The following FBXO36 variants were observed in gnomAD, a reference collection of about 807,000 sequenced individuals.
FBXO36 encodes F-box protein 36.
In FBXO36, 18 loss-of-function variants were observed where a neutral mutation model predicts 17.0. The ratio of observed to expected loss-of-function variants is 1.06; its 90% CI spans 0.73 to 1.57. FBXO36 has a LOEUF of 1.57. Among genes scored for constraint, FBXO36 ranks in the 40% most tolerant of loss-of-function variants. The pLI, the probability that FBXO36 is intolerant of heterozygous loss-of-function variation, is 0.00. For synonymous variants in FBXO36, 83 were observed against 85.3 expected (o/e 0.97, Z 0.15); for missense variants, 229 against 221.9 (o/e 1.03, Z -0.20).
In FBXO36 at chr2:229,999,562, G is replaced by C. The variant is rs564080445; in HGVS notation, c.378+2639G>C. ...ACACACATATTTAATTTTTAAAAGA[G>C]AGGTGGGATTTCATTGTGTTGCCCA... On this transcript the variant is annotated intron_variant, in intron 3 of 3. Coordinates refer to ENST00000283946, the MANE Select transcript of FBXO36 (RefSeq NM_174899.5). Among the ~76,000 whole-genome samples the C allele has an allele frequency of 1.7e-4, 25 of 148,884 alleles. No homozygotes were observed. In the South Asian group the frequency reaches 4.2e-3, roughly 25 times the overall value.
intron 1 of FBXO36, 58 bp downstream of exon 1, chr2:229,922,667 C>T: frequency 1.2e-5 from 19 of 1,566,636 alleles, no homozygotes; most frequent in East Asian, 2.3e-5. Context: ...CCGGTTGGGG[C>T]CCGGGACGCA....
chr2:229,923,052 G>A (rs889261052), intron 1 of FBXO36: 8 of 160,030 alleles, frequency 5.0e-5, no homozygotes, highest in African/African-American at 1.2e-4. Flanking sequence ...ATTAATCATG[G>A]AGAATTTTAT....
chr2:229,952,904 C>CT (rs2077064638), intron 1 of FBXO36, among the ~76,000 whole-genome samples: 1 of 152,216 alleles, frequency 6.6e-6, no homozygotes, highest in African/African-American at 2.4e-5. Context: ...GAAACTTGGA[C>CT]TTTGACTCAA....
chr2:229,962,503 ATT>A (rs915138172), intron 1 of FBXO36, among the ~76,000 whole-genome samples: 3 of 82,258 alleles, frequency 3.6e-5, no homozygotes, highest in Non-Finnish European at 7.6e-5. Context: ...GTTGATTTTT[ATT>A]TTATTTTATT....
At chr2:229,957,602 C>G (rs1337260148) in intron 1 of FBXO36, among the ~76,000 whole-genome samples, 1 of 152,016 alleles carries the variant, frequency 6.6e-6, no homozygotes, top group South Asian at 2.1e-4. Context: ...ATGAGGTGAC[C>G]ATTTCTGAGT....
In FBXO36 at chr2:230,011,593, C is replaced by CT. The variant is rs1183831723; in HGVS notation, c.*713dup. Reference sequence around the variant, plus strand: ...AAATAAACCTATAAACATTTCTTTTCTTTTCTTTTTTTTTTTTTTTTTGTA... The same window carrying CT: ...AAATAAACCTATAAACATTTCTTTTCTTTTTCTTTTTTTTTTTTTTTTTGTA... On this transcript the variant is annotated 3_prime_UTR_variant, in exon 4 of 4. Transcript: ENST00000283946. 3 of 54,638 alleles carry CT rather than the reference C, an allele frequency of 5.5e-5. No individual in the cohort carries two copies. Among genetic ancestry groups the CT allele is most frequent in the East Asian group, 9.8e-4 (2 of 2,032 alleles). 3.4% of individuals were successfully genotyped at this position (54,638 alleles called of 1,614,324 possible).
At chr2:229,987,709 C>T (rs539247396) in intron 2 of FBXO36, among the ~76,000 whole-genome samples, 1 of 152,188 alleles carries the variant, frequency 6.6e-6, no homozygotes, top group South Asian at 2.1e-4. Context: ...TGGCTCACTA[C>T]AGCCTTAACC....
intron 2 of FBXO36, chr2:229,977,049 A>G (rs908472120): frequency 2.6e-5 from 4 of 152,166 alleles, no homozygotes; most frequent in African/African-American, 7.2e-5. Context: ...GTTAGTTGGC[A>G]GTTTCTGACT....
chr2:229,929,399 TA>T (rs905195447), intron 1 of FBXO36, among the ~76,000 whole-genome samples: 2 of 149,628 alleles, frequency 1.3e-5, no homozygotes, highest in South Asian at 2.1e-4. Flanking sequence ...CCGTCTCTAC[TA>T]AAAAAAAATA....
At chr2:229,955,673 T>TC (rs1293647971) in intron 1 of FBXO36, among the ~76,000 whole-genome samples, 1 of 152,156 alleles carries the variant, frequency 6.6e-6, no homozygotes, top group African/African-American at 2.4e-5. Flanking sequence ...ATGAATGAAA[T>TC]ACTATGATTG....
intron 1 of FBXO36, among the ~76,000 whole-genome samples, chr2:229,930,224 T>C (rs1343464199): frequency 6.6e-6 from 1 of 152,208 alleles, no homozygotes; most frequent in Non-Finnish European, 1.5e-5. Flanking sequence ...CATGAGCCTG[T>C]AGTCCCAGCT....
intron 1 of FBXO36, among the ~76,000 whole-genome samples, chr2:229,949,570 A>T (rs1334432763): frequency 8.2e-6 from 1 of 121,456 alleles, no homozygotes; most frequent in Non-Finnish European, 1.8e-5. Context: ...CACACAGATT[A>T]ATCTGTGTAA....
At position 229,946,795 on chromosome 2, in the gene FBXO36, A is replaced by G. The variant is rs554120925; in HGVS notation, c.96+24186A>G. ...CATGGTCATGAATCCAGCTTTTAGT[A>G]CAATGCCAAGCACAGTGTGAACTCA... On this transcript the variant is annotated intron_variant, in intron 1 of 3. Coordinates refer to ENST00000283946, the MANE Select transcript of FBXO36 (RefSeq NM_174899.5). 3.3e-5 allele frequency among the ~76,000 whole-genome samples: 5 copies of G among 152,350 alleles called. No homozygotes were observed. The East Asian group carries it at 7.7e-4, about 23-fold the overall frequency.
At chr2:229,998,800 ATTT>A (rs1157314161) in intron 3 of FBXO36, among the ~76,000 whole-genome samples, 7 of 132,158 alleles carry the variant, frequency 5.3e-5, no homozygotes, top group South Asian at 2.4e-4. Context: ...AAAAAACATA[ATTT>A]TTTTTTTTTT....
rs138308951 is a variant in FBXO36, at chr2:229,976,248, T to G, written c.104T>G (p.Phe35Cys). The G allele has an allele frequency of 3.4e-5, 54 of 1,600,004 alleles. No individual in the cohort carries two copies. The African/African-American group carries it at 6.6e-4, about 20-fold the overall frequency. ...CTTTGTATTTAATTATAGGTAATCT[T>G]TAGATGGTGGAAGATCTCTCTAAGG... is the stretch of plus-strand genomic sequence containing the variant. ...QLLVTRSQVIFRWWKISLRSE... is the reference protein window; with the variant it reads ...QLLVTRSQVICRWWKISLRSE... The change falls in exon 2 of 4, where the codon TTT becomes TGT. Residue 35 changes from phenylalanine (F) to cysteine (C), a missense_variant. Transcript: ENST00000283946.
At position 229,995,592 on chromosome 2, in the gene FBXO36, C is replaced by CTT. The variant is rs748422157; in HGVS notation, c.206-1157_206-1156dup. 5.6e-3 allele frequency among the ~76,000 whole-genome samples: 645 copies of CTT among 114,520 alleles called. 31 individuals are homozygous for CTT. The highest frequency in any genetic ancestry group is 0.023 in the East Asian group (95 of 4,058). 75.1% of individuals were successfully genotyped at this position (114,520 alleles called of 152,430 possible). A position where few individuals can be genotyped will look rare whatever the true frequency, so the allele number is the denominator to read the frequency against. On this transcript the variant is annotated intron_variant, in intron 2 of 3. Transcript: ENST00000283946. ...TTTCTTTCTTTCTTTCTCTTTCTTT[C>CTT]TTTCTTTTTTTTTTTTTTGGACAGA...
chr2:229,935,774 G>A (rs1473930284), intron 1 of FBXO36, among the ~76,000 whole-genome samples: 3 of 152,092 alleles, frequency 2.0e-5, no homozygotes, highest in South Asian at 2.1e-4. Flanking sequence ...AGCTCATTCC[G>A]TTACCAAATG....
intron 2 of FBXO36, among the ~76,000 whole-genome samples, chr2:229,986,620 T>C (rs1467667795): frequency 6.6e-6 from 1 of 151,294 alleles, no homozygotes; most frequent in Non-Finnish European, 1.5e-5. Flanking sequence ...CCACAGCCTC[T>C]GCCTCCTGGG....
intron 1 of FBXO36, chr2:229,973,178 C>A (rs576295323): frequency 6.6e-6 from 1 of 151,904 alleles, no homozygotes; most frequent in East Asian, 1.9e-4. Flanking sequence ...ATAGCTATTG[C>A]CAAACCAGTT....
Sources: gnomAD v4.1 joint callset for allele counts (sites outside exome capture counted in the v4.1 genomes callset) on GRCh38, gnomAD v4.1.1 for gene constraint, MANE v1.5 for transcripts, NCBI Gene and HGNC (gene_info 2026-07-23, HGNC 2026-07-21) for gene names.